Variants in SYNJ2 observed in about 807,000 individuals in gnomAD.
SYNJ2 encodes polyphosphatidylinositol phosphatase SYNJ2.
Under a neutral mutation model 141.3 loss-of-function variants are expected in SYNJ2, and 116 were observed. That is an observed-to-expected ratio of 0.82 (90% CI 0.71 to 0.96). The LOEUF is 0.96. SYNJ2 is among the 40% of genes least tolerant of loss of function. The probability of loss-of-function intolerance (pLI) is 0.00; values close to 1 mark genes in which losing one functional copy is unlikely to be tolerated. For missense variants in SYNJ2, 1,873 were observed against 1,934.8 expected (o/e 0.97, Z 0.60); for synonymous variants, 745 against 777.7 (o/e 0.96, Z 0.70).
At chr6:158,048,830 G>A (rs1029412731) in intron 5 of SYNJ2, among the ~76,000 whole-genome samples, 5 of 152,184 alleles carry the variant, frequency 3.3e-5, no homozygotes, top group Non-Finnish European at 5.9e-5. Context: ...GCTCAGAGTT[G>A]GGACCAGCTG....
upstream of SYNJ2, among the ~76,000 whole-genome samples, chr6:157,981,484 C>G (rs1777000978): frequency 1.3e-5 from 2 of 152,232 alleles, no homozygotes; most frequent in Admixed American, 1.3e-4. The surrounding 1 kb of genome is among the most constrained non-coding windows in gnomAD (Gnocchi z 6.4). Context: ...GCCGACCACA[C>G]AGGGAGGCGC....
intron 7 of SYNJ2, 54 bp from the exon 8 acceptor site, chr6:158,061,938 T>C: frequency 6.3e-7 from 1 of 1,575,456 alleles, no homozygotes; most frequent in Non-Finnish European, 8.7e-7. Flanking sequence ...GAGCTTGCCC[T>C]CCTCGTCCTC....
Position 157,996,404 on chromosome 6 carries a change from G to T in SYNJ2, c.127+14316G>T, listed in dbSNP as rs146227716. 1.9e-3 allele frequency among the ~76,000 whole-genome samples: 291 copies of T among 152,080 alleles called. 2 individuals are homozygous for T. The highest frequency in any genetic ancestry group is 6.4e-3 in the African/African-American group (267 of 41,486). On this transcript the variant is annotated intron_variant, in intron 1 of 26. Transcript: ENST00000355585. ...GAACTAGTCTCCTGGCTCTTCCCCT[G>T]CTCCCCGTATAGGGATCTGCTTGAA...
At chr6:158,014,299 G>C (rs1343969800) in intron 1 of SYNJ2, among the ~76,000 whole-genome samples, 1 of 152,204 alleles carries the variant, frequency 6.6e-6, no homozygotes, top group Non-Finnish European at 1.5e-5. Context: ...AACCTATCCT[G>C]GGTTTATCAG....
At chr6:158,037,186 A>C (rs185804633) in intron 4 of SYNJ2, among the ~76,000 whole-genome samples, 1 of 152,266 alleles carries the variant, frequency 6.6e-6, no homozygotes, top group East Asian at 1.9e-4. Context: ...GAAGTCTGCA[A>C]TCCAGGTGTC....
chr6:158,020,381 C>A (rs182228990), intron 2 of SYNJ2, among the ~76,000 whole-genome samples: 29 of 136,808 alleles, frequency 2.1e-4, no homozygotes, highest in African/African-American at 8.2e-4. Context: ...TGTATGACTC[C>A]AACTATATGA....
intron 18 of SYNJ2, among the ~76,000 whole-genome samples, chr6:158,080,508 C>T (rs1562394279): frequency 6.9e-6 from 1 of 145,734 alleles, no homozygotes; most frequent in African/African-American, 2.5e-5. Context: ...GAGCATTTCC[C>T]TTTTTTTTTT....
intron 4 of SYNJ2, among the ~76,000 whole-genome samples, chr6:158,039,463 A>G (rs907782103): frequency 2.0e-5 from 3 of 152,176 alleles, no homozygotes. Context: ...TGTGAGATTT[A>G]CCTGTTTCAG....
At chr6:158,016,310 C>T (rs575027223) in intron 1 of SYNJ2, among the ~76,000 whole-genome samples, 21 of 152,230 alleles carry the variant, frequency 1.4e-4, no homozygotes, top group African/African-American at 1.7e-4. Flanking sequence ...GATAGGGTTC[C>T]GCCACGTTGC....
intron 1 of SYNJ2, among the ~76,000 whole-genome samples, chr6:157,997,033 C>A (rs1163741901): frequency 1.4e-5 from 2 of 144,142 alleles, no homozygotes; most frequent in Non-Finnish European, 3.0e-5. Context: ...CCCCACCCCC[C>A]CCCACCCAGC....
intron 17 of SYNJ2, 55 bp from the exon 18 acceptor site, chr6:158,078,109 C>A: frequency 8.4e-7 from 1 of 1,184,110 alleles, no homozygotes; most frequent in Non-Finnish European, 1.3e-6. Flanking sequence ...TGATCGCATT[C>A]TTGGATATTG....
At chr6:158,092,438 C>G (rs116835283) in intron 25 of SYNJ2, among the ~76,000 whole-genome samples, 1,615 of 152,152 alleles carry the variant, frequency 0.011, 29 homozygotes, top group African/African-American at 0.036. Flanking sequence ...TCCAGGAGTT[C>G]GAGACAAGTC....
At position 158,083,480 on chromosome 6, in the gene SYNJ2, G is replaced by A; in HGVS notation, c.2917G>A (p.Gly973Ser). 1 of 1,614,206 alleles carries A rather than the reference G, an allele frequency of 6.2e-7. No homozygotes were observed. Among genetic ancestry groups the A allele is most frequent in the Non-Finnish European group, 8.5e-7 (1 of 1,180,040 alleles). Residue 973 changes from glycine (G) to serine (S), a missense_variant, in exon 21 of 27, where the codon GGT (glycine) becomes AGT (serine). By Grantham distance (56) the Gly-to-Ser change is moderately conservative. Coordinates refer to ENST00000355585, the MANE Select transcript of SYNJ2 (RefSeq NM_003898.4). ...ACCGAAGACCAAGGACTGGCTGAAA[G>A]GTTTGCGAGAGGAGATCATTCGGAA... The part of the protein sequence containing the change: ...IRPKTKDWLK[G>S]LREEIIRKRD...
At chr6:158,061,902 T>C in intron 7 of SYNJ2, 90 bp from the exon 8 acceptor site, 1 of 1,362,592 alleles carries the variant, frequency 7.3e-7, no homozygotes, top group Non-Finnish European at 1.0e-6. Context: ...TCACCTTGGT[T>C]AGCCGCACGG....
chr6:158,063,659 C>CA (rs71298907), intron 8 of SYNJ2, 132 bp from the exon 9 acceptor site: 21,008 of 186,908 alleles, frequency 0.11, 2,621 homozygotes, highest in African/African-American at 0.15. Flanking sequence ...GACTCTGTCT[C>CA]AAAAAAAAAA....
At chr6:158,057,149 T>C (rs190874711) in intron 6 of SYNJ2, among the ~76,000 whole-genome samples, 1 of 152,164 alleles carries the variant, frequency 6.6e-6, no homozygotes, top group Non-Finnish European at 1.5e-5. Flanking sequence ...TGCTTCCAAA[T>C]AGAAATCTGA....
At position 158,040,337 on chromosome 6, in the gene SYNJ2, TAC is replaced by T. The variant is rs1245705161; in HGVS notation, c.712-2973_712-2972del. On this transcript the variant is annotated intron_variant, in intron 4 of 26. Coordinates refer to ENST00000355585, the MANE Select transcript of SYNJ2 (RefSeq NM_003898.4). This position sits in a 1 kb window ranked among gnomAD's most constrained non-coding sequence, Gnocchi z 4.2. The stretch of plus-strand genomic sequence containing the variant: ...GCAGTGTGTGCATTTATGTGTTGTA[TAC>T]ACACATGTGTGGGTTGTGTATGTGT... 2.0e-5 allele frequency among the ~76,000 whole-genome samples: 3 copies of T among 152,160 alleles called. No homozygotes were observed. Among genetic ancestry groups the T allele is most frequent in the Non-Finnish European group, 4.4e-5 (3 of 68,024 alleles).
At chr6:158,021,239 T>G (rs530733382) in intron 2 of SYNJ2, among the ~76,000 whole-genome samples, 119 of 152,322 alleles carry the variant, frequency 7.8e-4, no homozygotes, top group African/African-American at 2.8e-3. Flanking sequence ...CCTGTGAAGC[T>G]GTACACGACA....
intron 13 of SYNJ2, 138 bp from the exon 14 acceptor site, chr6:158,069,395 A>G (rs748359754): frequency 9.1e-7 from 1 of 1,094,440 alleles, no homozygotes; most frequent in Admixed American, 2.6e-5. Flanking sequence ...GAAGGAAAGC[A>G]TGACACTAAT....
Sources: allele counts gnomAD v4.1 joint callset (sites outside exome capture counted in the v4.1 genomes callset), GRCh38; gene constraint gnomAD v4.1.1; non-coding constraint Gnocchi (gnomAD v3.1); transcripts MANE v1.5; gene names NCBI Gene and HGNC (gene_info 2026-07-23, HGNC 2026-07-21).